The following POLD1 variants were observed in gnomAD, a reference collection of about 807,000 sequenced individuals.
POLD1 encodes DNA polymerase delta catalytic subunit.
POLD1 carries 79 observed loss-of-function variants against 129.7 expected under a neutral mutation model. The observed-to-expected ratio is 0.61, with a 90% CI of 0.51 to 0.73. POLD1 has a LOEUF of 0.73. Among genes scored for constraint, POLD1 ranks in the 30% least tolerant of loss-of-function variants. The probability of loss-of-function intolerance (pLI) is 0.00; values close to 1 mark genes in which losing one functional copy is unlikely to be tolerated. For missense variants in POLD1, 1,338 were observed against 1,595.8 expected (o/e 0.84, Z 2.75); for synonymous variants, 714 against 683.3 (o/e 1.04, Z -0.70).
intron 1 of POLD1, among the ~76,000 whole-genome samples, chr19:50,389,608 A>G (rs1444677032): frequency 1.3e-5 from 2 of 149,548 alleles, no homozygotes; most frequent in Non-Finnish European, 3.0e-5. Flanking sequence ...TTTTTCCAAG[A>G]CTGAGTCTTG....
chr19:50,390,960 T>C (rs993481309), intron 1 of POLD1, among the ~76,000 whole-genome samples: 9 of 152,180 alleles, frequency 5.9e-5, no homozygotes, highest in African/African-American at 2.2e-4. Flanking sequence ...TGGAGTCTCC[T>C]ATGTCTACTT....
chr19:50,405,658 G>C (rs1301799192), intron 10 of POLD1, among the ~76,000 whole-genome samples: 1 of 152,128 alleles, frequency 6.6e-6, no homozygotes, highest in African/African-American at 2.4e-5. Flanking sequence ...TGATGCCCGG[G>C]CCATGGTACT....
Position 50,399,471 on chromosome 19 carries a change from T to G in POLD1, c.303T>G (p.Ile101Met). Reference protein sequence around the residue: ...TEPLIFQQLEIDHYVGPAQPV... With the variant: ...TEPLIFQQLEMDHYVGPAQPV... ...CCCTCATCTTCCAACAGTTGGAGATTGACCATTATGTGGGTGAGTTTAGGG... is the reference window on the plus strand; with the variant it reads ...CCCTCATCTTCCAACAGTTGGAGATGGACCATTATGTGGGTGAGTTTAGGG... The change falls in exon 3 of 27, where the codon ATT (isoleucine) becomes ATG (methionine). Residue 101 changes from isoleucine (I) to methionine (M), a missense_variant. Coordinates refer to ENST00000440232, the MANE Select transcript of POLD1 (RefSeq NM_002691.4). 3 of 1,611,792 alleles carry G rather than the reference T, an allele frequency of 1.9e-6. No homozygotes were observed. Among genetic ancestry groups the G allele is most frequent in the Non-Finnish European group, 2.5e-6 (3 of 1,177,858 alleles).
In POLD1 at chr19:50,403,452, A is replaced by T. The variant is rs775186812; in HGVS notation, c.1138-41A>T. The T allele has an allele frequency of 1.9e-5, 27 of 1,442,342 alleles. No homozygotes were observed. The highest frequency in any genetic ancestry group is 1.5e-4 in the Admixed American group (9 of 59,506). 89.3% of individuals were successfully genotyped at this position (1,442,342 alleles called of 1,614,324 possible). A position where few individuals can be genotyped will look rare whatever the true frequency, so the allele number is the denominator to read the frequency against. ...TTCTGGAAGTAGGGGAATCCGAGGCAGGGCAACCACCAGGGTGACCCAATG... is the reference window on the plus strand; with the variant it reads ...TTCTGGAAGTAGGGGAATCCGAGGCTGGGCAACCACCAGGGTGACCCAATG... On this transcript the variant is annotated intron_variant, in intron 9 of 26. Transcript: ENST00000440232.
chr19:50,406,855 GGGCCCTCCTGCCCGCCTCACCTCCCA>G lies in POLD1; in HGVS notation c.1495-119_1495-94del. The G allele has an allele frequency of 1.3e-6, 1 of 741,476 alleles. No individual in the cohort carries two copies. The highest frequency in any genetic ancestry group is 2.2e-6 in the Non-Finnish European group (1 of 453,394). The allele number at this position is 741,476 out of a possible 1,614,324, so 45.9% of individuals were successfully genotyped here. On this transcript the variant is annotated intron_variant, in intron 12 of 26. Coordinates refer to ENST00000440232, the MANE Select transcript of POLD1 (RefSeq NM_002691.4). The surrounding 1 kb of genome is among the most constrained non-coding windows in gnomAD (Gnocchi z 5.5). ...CCCACCCAGACCCTGACGACTTGGA[GGGCCCTCCTGCCCGCCTCACCTCCCA>G]GGCCCTCCCCAGGCTACCTCACCCT...
At chr19:50,388,369 C>T (rs894606758) in intron 1 of POLD1, among the ~76,000 whole-genome samples, 4 of 152,212 alleles carry the variant, frequency 2.6e-5, no homozygotes, top group African/African-American at 9.6e-5. Context: ...GTCTTCTACC[C>T]TGTCCCCCAG....
rs746973225 is a variant in POLD1, at chr19:50,401,803, G to T, written c.342G>T (p.Gly114=). The part of the protein sequence containing the change: ...YVGPAQPVPG[G]PPPSRGSVPV... ...GCCCAGCGCAGCCTGTGCCTGGGGG[G>T]CCCCCACCATCCCGCGGCTCCGTGC... Residue 114 remains glycine (G), a synonymous_variant, in exon 4 of 27, where the codon GGG becomes GGT. Coordinates refer to ENST00000440232, the MANE Select transcript of POLD1 (RefSeq NM_002691.4). 1 of 1,613,048 alleles carries T rather than the reference G, an allele frequency of 6.2e-7. No homozygotes were observed. Among genetic ancestry groups the T allele is most frequent in the East Asian group, 2.2e-5 (1 of 44,864 alleles).
At chr19:50,387,877 C>G (rs1417309826) in intron 1 of POLD1, 1 of 152,496 alleles carries the variant, frequency 6.6e-6, no homozygotes, top group Non-Finnish European at 1.5e-5. Context: ...CACAAAACCC[C>G]CTGCACACGC....
At chr19:50,400,381 C>G (rs2038549786) in intron 3 of POLD1, among the ~76,000 whole-genome samples, 2 of 148,708 alleles carry the variant, frequency 1.3e-5, no homozygotes, top group South Asian at 2.1e-4. Context: ...CCATCACGCC[C>G]GGCTAATTTT....
At chr19:50,410,105 G>A (rs1372886539) in intron 17 of POLD1, among the ~76,000 whole-genome samples, 4 of 152,216 alleles carry the variant, frequency 2.6e-5, no homozygotes, top group East Asian at 1.9e-4. Flanking sequence ...GCCAAGGGAC[G>A]TGGGGAGGGA....
At position 50,409,376 on chromosome 19, in the gene POLD1, G is replaced by A; in HGVS notation, c.2006+141G>A. ...GAATTAGCACAAGGCATCCCCTCCTGGCAGCTTCCTTTTGCCCCCTTGGCC... is the reference window on the plus strand; with the variant it reads ...GAATTAGCACAAGGCATCCCCTCCTAGCAGCTTCCTTTTGCCCCCTTGGCC... On this transcript the variant is annotated intron_variant, in intron 16 of 26. Coordinates refer to ENST00000440232, the MANE Select transcript of POLD1 (RefSeq NM_002691.4). The surrounding 1 kb of genome is among the most constrained non-coding windows in gnomAD (Gnocchi z 5.8). The A allele has an allele frequency of 7.6e-7, 1 of 1,311,996 alleles. No homozygotes were observed. The highest frequency in any genetic ancestry group is 1.1e-6 in the Non-Finnish European group (1 of 928,538). The allele number at this position is 1,311,996 out of a possible 1,614,324, so 81.3% of individuals were successfully genotyped here. A position where few individuals can be genotyped will look rare whatever the true frequency, so the allele number is the denominator to read the frequency against.
intron 20 of POLD1, 126 bp from the exon 21 acceptor site, chr19:50,415,307 AGGAAG>A (rs1219949156): frequency 1.9e-5 from 17 of 902,580 alleles, no homozygotes; most frequent in Non-Finnish European, 6.7e-6. Flanking sequence ...AGCCTATGGT[AGGAAG>A]GGCCCCTCTC....
At chr19:50,389,778 G>A (rs796895674) in intron 1 of POLD1, among the ~76,000 whole-genome samples, 43 of 151,408 alleles carry the variant, frequency 2.8e-4, no homozygotes, top group African/African-American at 8.7e-4. Flanking sequence ...TTGTAGAGAC[G>A]GGGTTTCATT....
rs895709341 is a variant in POLD1 at position 50,417,925 on chromosome 19, C to T, written c.3302C>T (p.Pro1101Leu). 4 of 1,609,664 alleles carry T rather than the reference C, an allele frequency of 2.5e-6. No homozygotes were observed. In the African/African-American group the frequency reaches 4.0e-5, roughly 16 times the overall value. ...GAGCAGCTCCTGCGGCGCTTCGGAC[C>T]CCCTGGACCTGAGGCCTGGTGACCT... is the stretch of plus-strand genomic sequence containing the variant. ...DQEQLLRRFG[P>L]PGPEAW is the part of the protein sequence containing the mutation. The change falls in exon 27 of 27, where the codon CCC (proline) becomes CTC (leucine). Residue 1101 changes from proline to leucine, a missense_variant. Pro to Leu is a moderately conservative substitution (Grantham distance 98). This residue lies in a region of POLD1 where 286 missense variants were observed against 277.5 expected (regional missense o/e 1.03). Coordinates refer to ENST00000440232, the MANE Select transcript of POLD1 (RefSeq NM_002691.4).
chr19:50,415,318 C>T, intron 20 of POLD1, 120 bp from the exon 21 acceptor site: 2 of 1,025,954 alleles, frequency 1.9e-6, no homozygotes, highest in Non-Finnish European at 2.9e-6. Context: ...GGAAGGGCCC[C>T]TCTCTGCCCT....
At position 50,399,441 on chromosome 19, in the gene POLD1, A is replaced by G. The variant is rs745850676; in HGVS notation, c.273A>G (p.Thr91=). 9 of 1,614,132 alleles carry G rather than the reference A, an allele frequency of 5.6e-6. 1 individual carries two copies. Among genetic ancestry groups the G allele is most frequent in the South Asian group, 1.1e-5 (1 of 91,092 alleles). The change falls in exon 3 of 27, where the codon ACA becomes ACG. Residue 91 remains threonine, a synonymous_variant. Coordinates refer to ENST00000440232, the MANE Select transcript of POLD1 (RefSeq NM_002691.4). The part of the protein sequence containing the change: ...RPTPPALDPQ[T]EPLIFQQLEI... ...CACCACCAGCGCTGGACCCCCAGAC[A>G]GAGCCCCTCATCTTCCAACAGTTGG...
chr19:50,408,991 C>G, intron 15 of POLD1, 90 bp downstream of exon 15: 3 of 1,414,068 alleles, frequency 2.1e-6, no homozygotes, highest in Non-Finnish European at 3.0e-6. Flanking sequence ...AGGCACAGGC[C>G]CAGAGATAGT....
chr19:50,393,471 G>C (rs966461360), intron 1 of POLD1, among the ~76,000 whole-genome samples: 5 of 152,124 alleles, frequency 3.3e-5, no homozygotes, highest in Admixed American at 1.3e-4. Context: ...AGGGGTTTCA[G>C]ACCAGCCTCA....
At chr19:50,392,711 A>G (rs2038214822) in intron 1 of POLD1, among the ~76,000 whole-genome samples, 1 of 152,150 alleles carries the variant, frequency 6.6e-6, no homozygotes, top group Non-Finnish European at 1.5e-5. Context: ...TCTTGACCTC[A>G]AGTGATCCAC....
Sources: allele counts gnomAD v4.1 joint callset (sites outside exome capture counted in the v4.1 genomes callset), GRCh38; gene constraint gnomAD v4.1.1; regional missense constraint gnomAD v4.1.1; non-coding constraint Gnocchi (gnomAD v3.1); transcripts MANE v1.5; gene names NCBI Gene and HGNC (gene_info 2026-07-23, HGNC 2026-07-21).